ANXA4: variants seen among roughly 807,000 people sequenced by gnomAD.
ANXA4 encodes the protein annexin A4, also known as 35-beta calcimedin.
Under a neutral mutation model 49.8 loss-of-function variants are expected in ANXA4, and 39 were observed. That is an observed-to-expected ratio of 0.78 (90% CI 0.61 to 1.02). ANXA4 has a LOEUF of 1.02. Among genes scored for constraint, ANXA4 ranks in the 50% least tolerant of loss-of-function variants. The pLI, the probability that ANXA4 is intolerant of heterozygous loss-of-function variation, is 0.00. For synonymous variants in ANXA4, 134 were observed against 152.5 expected (o/e 0.88, Z 0.89); for missense variants, 360 against 410.1 (o/e 0.88, Z 1.05).
chr2:69,661,287 T>C (rs1228801748), intron 2 of ANXA4, among the ~76,000 whole-genome samples: 1 of 150,656 alleles, frequency 6.6e-6, no homozygotes, highest in African/African-American at 2.4e-5. Context: ...CTACTAAAAT[T>C]TGTATTTCAG....
At chr2:69,646,639 G>C (rs772237438) in intron 1 of ANXA4, among the ~76,000 whole-genome samples, 2 of 152,172 alleles carry the variant, frequency 1.3e-5, no homozygotes, top group East Asian at 1.9e-4. Flanking sequence ...GCAATAAGAT[G>C]CCAAATTATA....
intron 3 of ANXA4, among the ~76,000 whole-genome samples, chr2:69,725,946 A>G (rs1669953734): frequency 6.6e-6 from 1 of 152,122 alleles, no homozygotes; most frequent in Non-Finnish European, 1.5e-5. Context: ...CTTTTTTTTC[A>G]CTATGCAGTT....
At chr2:69,716,624 GA>G (rs1669643492) in intron 2 of ANXA4, among the ~76,000 whole-genome samples, 1 of 152,120 alleles carries the variant, frequency 6.6e-6, no homozygotes, top group South Asian at 2.1e-4. Context: ...CTCGTTTTGA[GA>G]AGATCACTCG....
intron 1 of ANXA4, among the ~76,000 whole-genome samples, chr2:69,650,880 C>G (rs1269966193): frequency 6.6e-6 from 1 of 152,090 alleles, no homozygotes; most frequent in Non-Finnish European, 1.5e-5. Context: ...TTTTTGTTGT[C>G]ATTGTTTAAA....
chr2:69,800,363 G>A (rs1673139302), intron 3 of ANXA4, among the ~76,000 whole-genome samples: 1 of 152,170 alleles, frequency 6.6e-6, no homozygotes, highest in Non-Finnish European at 1.5e-5. Context: ...CATAAAGGGT[G>A]AGGAGACATT....
Position 69,788,043 on chromosome 2 carries a change from T to C in ANXA4, c.10-11T>C. ...CTGCCTCTCAGTAACATCACTCTCTTGTGTGCTCAGGCAACCAAAGGAGGT... is the reference window on the plus strand; with the variant it reads ...CTGCCTCTCAGTAACATCACTCTCTCGTGTGCTCAGGCAACCAAAGGAGGT... On this transcript the variant is annotated splice_polypyrimidine_tract_variant and intron_variant, in intron 2 of 12. Transcript: ENST00000394295. 1 of 1,612,366 alleles carries C rather than the reference T, an allele frequency of 6.2e-7. No individual in the cohort carries two copies. The highest frequency in any genetic ancestry group is 8.5e-7 in the Non-Finnish European group (1 of 1,178,522).
intron 3 of ANXA4, among the ~76,000 whole-genome samples, chr2:69,793,168 C>G (rs1222285523): frequency 6.7e-6 from 1 of 149,752 alleles, no homozygotes; most frequent in Non-Finnish European, 1.5e-5. Context: ...AGGAGAATCA[C>G]TTGAACCAGG....
Position 69,819,286 on chromosome 2 carries a change from G to T in ANXA4, c.731G>T (p.Cys244Phe). 1.2e-6 allele frequency: 2 copies of T among 1,604,010 alleles called. No homozygotes were observed. The highest frequency in any genetic ancestry group is 8.5e-7 in the Non-Finnish European group (1 of 1,173,994). Residue 244 changes from cysteine to phenylalanine, a missense_variant, in exon 11 of 13, where the codon TGC becomes TTC. Physicochemically the swap from Cys to Phe is radical, Grantham distance 205. Transcript: ENST00000394295. ...CTTTTTTTTTCTTTGACAGTAAAGT[G>T]CATGAGGAACAAATCTGCATATTTT... ...FEDALLAIVK[C>F]MRNKSAYFAE...
At chr2:69,745,581 A>G (rs1039385400) in intron 1 of ANXA4, among the ~76,000 whole-genome samples, 1 of 151,866 alleles carries the variant, frequency 6.6e-6, no homozygotes, top group African/African-American at 2.4e-5. Context: ...CTCAGGCTGG[A>G]GTGCAATGGT....
At chr2:69,651,828 G>C (rs1424961042) in intron 1 of ANXA4, among the ~76,000 whole-genome samples, 1,582 of 43,308 alleles carry the variant, frequency 0.037, 96 homozygotes, top group Non-Finnish European at 0.059. Context: ...GGGGGGGGGG[G>C]GCGGGGAGAC....
chr2:69,709,909 G>C (rs908953619), intron 2 of ANXA4, among the ~76,000 whole-genome samples: 2 of 151,312 alleles, frequency 1.3e-5, no homozygotes, highest in Admixed American at 6.6e-5. Context: ...ACAAACAATA[G>C]GTAACTTAAA....
intron 3 of ANXA4, among the ~76,000 whole-genome samples, chr2:69,729,812 T>C (rs1670049934): frequency 6.6e-6 from 1 of 152,230 alleles, no homozygotes; most frequent in Non-Finnish European, 1.5e-5. Flanking sequence ...GTTCAGTTTA[T>C]AAAAAGATGT....
Position 69,656,429 on chromosome 2 carries a change from G to GTGTA in ANXA4, n.766+3148_766+3149insGTAT, listed in dbSNP as rs1553426931. ...TATATATGTATATATATATGTGTGT[G>GTGTA]TATATATATATATGATACTTGGTCA... is the stretch of plus-strand genomic sequence containing the variant. On this transcript the variant is annotated intron_variant and non_coding_transcript_variant, in intron 2 of 3. Transcript: ENST00000418066. Among the ~76,000 whole-genome samples, 41 of 140,686 alleles carry GTGTA rather than the reference G, an allele frequency of 2.9e-4. 1 individual carries two copies. Among genetic ancestry groups the GTGTA allele is most frequent in the African/African-American group, 9.7e-4 (37 of 38,206 alleles). 92.3% of individuals were successfully genotyped at this position (140,686 alleles called of 152,430 possible). A position where few individuals can be genotyped will look rare whatever the true frequency, so the allele number is the denominator to read the frequency against.
chr2:69,735,855 T>A (rs1187405605), intron 3 of ANXA4, among the ~76,000 whole-genome samples: 1 of 152,140 alleles, frequency 6.6e-6, no homozygotes, highest in Non-Finnish European at 1.5e-5. Flanking sequence ...CTGGCTACCA[T>A]GAGACAGCGA....
intron 1 of ANXA4, among the ~76,000 whole-genome samples, chr2:69,777,918 GC>G (rs1672025205): frequency 6.6e-6 from 1 of 152,148 alleles, no homozygotes; most frequent in African/African-American, 2.4e-5. Flanking sequence ...AATATTCTTA[GC>G]TTCCTGGGCC....
intron 2 of ANXA4, among the ~76,000 whole-genome samples, chr2:69,668,078 A>G (rs111694450): frequency 2.0e-5 from 3 of 152,330 alleles, no homozygotes; most frequent in Non-Finnish European, 4.4e-5. Flanking sequence ...AACAGGAGGA[A>G]GGGACAATAA....
chr2:69,782,656 A>T (rs546140274), intron 2 of ANXA4, among the ~76,000 whole-genome samples: 11 of 152,140 alleles, frequency 7.2e-5, no homozygotes, highest in African/African-American at 1.2e-4. Context: ...TGCCTAGCCA[A>T]CGTGGAGAAT....
At chr2:69,702,585 A>G (rs1678365140) in intron 2 of ANXA4, among the ~76,000 whole-genome samples, 1 of 151,998 alleles carries the variant, frequency 6.6e-6, no homozygotes, top group Non-Finnish European at 1.5e-5. Flanking sequence ...GTGGTGGTGT[A>G]TACCTGTGGT....
chr2:69,807,780 C>A, intron 5 of ANXA4, 126 bp from the exon 6 acceptor site: 1 of 755,380 alleles, frequency 1.3e-6, no homozygotes, highest in Non-Finnish European at 2.1e-6. Flanking sequence ...TGAACAAACC[C>A]TGTTGTTAGA....
Sources: allele counts gnomAD v4.1 joint callset (sites outside exome capture counted in the v4.1 genomes callset), GRCh38; gene constraint gnomAD v4.1.1; transcripts MANE v1.5; gene names NCBI Gene and HGNC (gene_info 2026-07-23, HGNC 2026-07-21).